The following ZFYVE9 variants were observed in gnomAD, a reference collection of about 807,000 sequenced individuals.
ZFYVE9 encodes the protein zinc finger FYVE domain-containing protein 9.
Under a neutral mutation model 126.7 loss-of-function variants are expected in ZFYVE9, and 43 were observed. That is an observed-to-expected ratio of 0.34 (90% CI 0.27 to 0.44). The LOEUF (loss-of-function observed/expected upper bound fraction) is 0.44. ZFYVE9 is among the 20% of genes least tolerant of loss of function. The pLI is 1.00. For synonymous variants in ZFYVE9, 521 were observed against 597.4 expected (o/e 0.87, Z 1.87); for missense variants, 1,476 against 1,697.0 (o/e 0.87, Z 2.29).
chr1:52,279,169 A>G (rs1441387156), intron 9 of ZFYVE9, among the ~76,000 whole-genome samples: 1 of 152,180 alleles, frequency 6.6e-6, no homozygotes, highest in Non-Finnish European at 1.5e-5. Context: ...TGAATTCTCC[A>G]TGGATGAAAG....
chr1:52,256,498 C>T (rs1645521058), intron 4 of ZFYVE9, among the ~76,000 whole-genome samples: 1 of 152,116 alleles, frequency 6.6e-6, no homozygotes, highest in South Asian at 2.1e-4. Flanking sequence ...TTGCCTCAGC[C>T]TCTCAAGTAG....
intron 10 of ZFYVE9, among the ~76,000 whole-genome samples, chr1:52,285,355 T>C (rs890596323): frequency 2.0e-5 from 3 of 152,154 alleles, no homozygotes; most frequent in African/African-American, 2.4e-5. Context: ...CCACAGGCCA[T>C]GGACTGGTAT....
chr1:52,233,202 C>T lies in ZFYVE9; in HGVS notation c.-5C>T. On this transcript the variant is annotated 5_prime_UTR_variant, in exon 3 of 19. Coordinates refer to ENST00000287727, the MANE Select transcript of ZFYVE9 (RefSeq NM_004799.4). Reference sequence around the variant, plus strand: ...ACAAGTCTCTTAAGTGGTGTTTCCTCACCGATGGAGAATTACTTCCAAGCA... The same window carrying T: ...ACAAGTCTCTTAAGTGGTGTTTCCTTACCGATGGAGAATTACTTCCAAGCA... 6.4e-7 allele frequency: 1 copy of T among 1,571,330 alleles called. No homozygotes were observed. Among genetic ancestry groups the T allele is most frequent in the South Asian group, 1.2e-5 (1 of 81,954 alleles).
chr1:52,281,769 A>C lies in ZFYVE9; in HGVS notation c.2978A>C (p.Lys993Thr), dbSNP rs1270406275. ...QCLPDEKCLPKDIFNHFVQLY... is the reference protein window; with the variant it reads ...QCLPDEKCLPTDIFNHFVQLY... ...TTACCGGATGAAAAGTGTTTGCCAA[A>C]GGATATCTTTAATCACTTTGTGCAG... Residue 993 changes from lysine (K) to threonine (T), a missense_variant, in exon 10 of 19, where the codon AAG (lysine) becomes ACG (threonine). By Grantham distance (78) the Lys-to-Thr change is moderately conservative. Transcript: ENST00000287727. 6.2e-7 allele frequency: 1 copy of C among 1,614,222 alleles called. No individual in the cohort carries two copies. The highest frequency in any genetic ancestry group is 2.2e-5 in the East Asian group (1 of 44,868).
chr1:52,188,910 CACT>C (rs1427913788), intron 1 of ZFYVE9, among the ~76,000 whole-genome samples: 3 of 151,796 alleles, frequency 2.0e-5, no homozygotes, highest in Non-Finnish European at 2.9e-5. Flanking sequence ...CGGTAATCAC[CACT>C]GTCTTATTTT....
chr1:52,263,177 C>T (rs373358046), intron 4 of ZFYVE9, among the ~76,000 whole-genome samples: 36 of 151,918 alleles, frequency 2.4e-4, no homozygotes, highest in East Asian at 5.8e-4. Context: ...TACCAGGAAC[C>T]AAGCCCAGAA....
At chr1:52,177,815 T>A (rs1477724340) in intron 1 of ZFYVE9, among the ~76,000 whole-genome samples, 1 of 152,122 alleles carries the variant, frequency 6.6e-6, no homozygotes, top group Non-Finnish European at 1.5e-5. Context: ...GCTATCTAAT[T>A]GGGGAACTGC....
At chr1:52,219,531 A>G (rs1019522412) in intron 2 of ZFYVE9, among the ~76,000 whole-genome samples, 1 of 151,894 alleles carries the variant, frequency 6.6e-6, no homozygotes, top group African/African-American at 2.4e-5. Context: ...CCTTCTTTCC[A>G]ACATATGATA....
intron 1 of ZFYVE9, among the ~76,000 whole-genome samples, chr1:52,180,974 T>TTTA (rs1644694420): frequency 1.7e-5 from 1 of 59,836 alleles, no homozygotes; most frequent in African/African-American, 7.1e-5. Flanking sequence ...AAACTCCGTC[T>TTTA]CAAAAAAAAA....
At chr1:52,232,396 G>A (rs1049116622) in intron 2 of ZFYVE9, among the ~76,000 whole-genome samples, 1 of 152,132 alleles carries the variant, frequency 6.6e-6, no homozygotes, top group Non-Finnish European at 1.5e-5. Context: ...TAACATTAAA[G>A]AAATGGTTTA....
chr1:52,165,535 T>G (rs1644505576), intron 1 of ZFYVE9, among the ~76,000 whole-genome samples: 1 of 152,146 alleles, frequency 6.6e-6, no homozygotes, highest in Non-Finnish European at 1.5e-5. Flanking sequence ...ATGATTGAAT[T>G]AGATGGCCCG....
chr1:52,232,139 T>C (rs1319871044), intron 2 of ZFYVE9, among the ~76,000 whole-genome samples: 2 of 152,158 alleles, frequency 1.3e-5, no homozygotes, highest in African/African-American at 4.8e-5. Flanking sequence ...TTTTCCTTAC[T>C]CAGACTTTTT....
At position 52,293,336 on chromosome 1, in the gene ZFYVE9, G is replaced by A. The variant is rs548349036; in HGVS notation, c.3026-117G>A. 1,776 of 832,926 alleles carry A rather than the reference G, an allele frequency of 2.1e-3. 4 individuals are homozygous for A. The highest frequency in any genetic ancestry group is 3.3e-3 in the Middle Eastern group (8 of 2,438). The allele number at this position is 832,926 out of a possible 1,614,324, so 51.6% of individuals were successfully genotyped here. On this transcript the variant is annotated intron_variant, in intron 10 of 18. Transcript: ENST00000287727. ...GGAGCTTGCAGTGAGCCAAGATTGCGCCACTGCACTCCAGCCTGGGCAACA... is the reference window on the plus strand; with the variant it reads ...GGAGCTTGCAGTGAGCCAAGATTGCACCACTGCACTCCAGCCTGGGCAACA...
rs146344711 is a variant in ZFYVE9, at chr1:52,239,510, C to T, written c.2093C>T (p.Pro698Leu). ...GGTGAGGTGGCTCCAGTATGGGTAC[C>T]GGATTCTCAGGCTCCAAATTGCATG... Reference protein sequence around the residue: ...TLGEVAPVWVPDSQAPNCMKC... With the variant: ...TLGEVAPVWVLDSQAPNCMKC... Residue 698 changes from proline to leucine, a missense_variant, in exon 4 of 19, where the codon CCG (proline) becomes CTG (leucine). Coordinates refer to ENST00000287727, the MANE Select transcript of ZFYVE9 (RefSeq NM_004799.4). 3.0e-5 allele frequency: 49 copies of T among 1,613,928 alleles called. No individual in the cohort carries two copies. Among genetic ancestry groups the T allele is most frequent in the Non-Finnish European group, 3.9e-5 (46 of 1,179,996 alleles).
intron 10 of ZFYVE9, among the ~76,000 whole-genome samples, chr1:52,290,512 T>C (rs1317983888): frequency 6.6e-6 from 1 of 152,184 alleles, no homozygotes; most frequent in Non-Finnish European, 1.5e-5. Flanking sequence ...CAAAGCTAGA[T>C]AAAGAGATGA....
At chr1:52,343,217 C>T (rs1435189586) in intron 17 of ZFYVE9, among the ~76,000 whole-genome samples, 3 of 151,994 alleles carry the variant, frequency 2.0e-5, no homozygotes, top group East Asian at 2.0e-4. Flanking sequence ...CCACCGTGCC[C>T]GGCCGAGACA....
At chr1:52,236,712 GATA>G (rs992756299) in intron 3 of ZFYVE9, among the ~76,000 whole-genome samples, 29 of 152,226 alleles carry the variant, frequency 1.9e-4, no homozygotes, top group African/African-American at 6.5e-4. Context: ...AGTGTCCTCA[GATA>G]ATAATATAAA....
chr1:52,226,699 T>C (rs907164809), intron 2 of ZFYVE9, among the ~76,000 whole-genome samples: 1 of 152,154 alleles, frequency 6.6e-6, no homozygotes, highest in African/African-American at 2.4e-5. Flanking sequence ...TTTTATACAT[T>C]TTAGGGAGAC....
intron 2 of ZFYVE9, among the ~76,000 whole-genome samples, chr1:52,229,173 T>C (rs563513611): frequency 2.1e-4 from 32 of 152,284 alleles, no homozygotes; most frequent in African/African-American, 7.0e-4. Flanking sequence ...TAGCCACATA[T>C]AATATTTTGG....
Sources: allele counts gnomAD v4.1 joint callset (sites outside exome capture counted in the v4.1 genomes callset), GRCh38; gene constraint gnomAD v4.1.1; transcripts MANE v1.5; gene names NCBI Gene and HGNC (gene_info 2026-07-23, HGNC 2026-07-21).